The following GNAQ variants were observed in gnomAD, a reference collection of about 807,000 sequenced individuals.
The protein encoded by GNAQ is guanine nucleotide-binding protein G(q) subunit alpha.
A neutral mutation model predicts 43.9 loss-of-function variants in GNAQ; 8 were observed. The observed-to-expected ratio is 0.18, with a 90% CI of 0.11 to 0.33. GNAQ has a LOEUF of 0.33. GNAQ is among the 10% of genes least tolerant of loss of function. The pLI is 1.00. For missense variants in GNAQ, 158 were observed against 450.8 expected (o/e 0.35, Z 5.88); for synonymous variants, 155 against 170.7 (o/e 0.91, Z 0.71).
At chr9:78,010,783 A>G (rs1823764452) in intron 1 of GNAQ, among the ~76,000 whole-genome samples, 1 of 152,136 alleles carries the variant, frequency 6.6e-6, no homozygotes, top group East Asian at 1.9e-4. Flanking sequence ...CTGAGTCTAC[A>G]CACAGCTCTT....
At chr9:77,755,577 T>C (rs1036018748) in intron 5 of GNAQ, among the ~76,000 whole-genome samples, 7 of 152,222 alleles carry the variant, frequency 4.6e-5, no homozygotes, top group African/African-American at 1.7e-4. Flanking sequence ...TGTTTGTGCA[T>C]GTATACACCT....
chr9:77,830,201 T>A (rs11145579), intron 2 of GNAQ, among the ~76,000 whole-genome samples: 1 of 151,944 alleles, frequency 6.6e-6, no homozygotes, highest in Non-Finnish European at 1.5e-5. Context: ...CATCCTTCTA[T>A]CTTGGTCTCT....
At chr9:77,731,304 C>T (rs1379168601) in intron 5 of GNAQ, among the ~76,000 whole-genome samples, 1 of 152,180 alleles carries the variant, frequency 6.6e-6, no homozygotes, top group East Asian at 1.9e-4. Context: ...AATTTCCAGA[C>T]TGGACTGGAG....
At position 77,784,357 on chromosome 9, in the gene GNAQ, C is replaced by T. The variant is rs992876636; in HGVS notation, c.735+10106G>A. On this transcript the variant is annotated intron_variant, in intron 5 of 6. Coordinates refer to ENST00000286548, the MANE Select transcript of GNAQ (RefSeq NM_002072.5). ...AAGTTTAATATATTTCAATTTTCCC[C>T]AGAATTCCCAAATTACATAAACGGG... Among the ~76,000 whole-genome samples, 9 of 151,962 alleles carry T rather than the reference C, an allele frequency of 5.9e-5. No homozygotes were observed. The South Asian group carries it at 1.9e-3, about 32-fold the overall frequency.
intron 5 of GNAQ, among the ~76,000 whole-genome samples, chr9:77,732,717 G>T (rs1357782475): frequency 1.3e-5 from 2 of 152,164 alleles, no homozygotes; most frequent in African/African-American, 4.8e-5. Context: ...TTGTTAACAG[G>T]TTGGGCCTAG....
At chr9:77,788,972 C>T (rs1382520357) in intron 5 of GNAQ, among the ~76,000 whole-genome samples, 6 of 152,196 alleles carry the variant, frequency 3.9e-5, no homozygotes, top group Non-Finnish European at 8.8e-5. Flanking sequence ...CCTGAAGAAG[C>T]TAATTTGAGT....
intron 3 of GNAQ, among the ~76,000 whole-genome samples, chr9:77,809,180 T>C (rs1361546730): frequency 2.6e-5 from 4 of 152,194 alleles, no homozygotes; most frequent in African/African-American, 9.7e-5. Flanking sequence ...AAAAAGCCAA[T>C]CTACTCATGT....
At position 77,762,572 on chromosome 9, in the gene GNAQ, C is replaced by T. The variant is rs904949320; in HGVS notation, c.735+31891G>A. 3.2e-4 allele frequency among the ~76,000 whole-genome samples: 48 copies of T among 148,358 alleles called. No homozygotes were observed. In the East Asian group the frequency reaches 7.6e-3, roughly 24 times the overall value. ...CTGGGAAGTGAGGAGCCCCTCTGCC[C>T]GGCCACCACCCCATCTGGGAGGTGT... is the stretch of plus-strand genomic sequence containing the variant. On this transcript the variant is annotated intron_variant, in intron 5 of 6. Transcript: ENST00000286548.
rs115049166 is a variant in GNAQ, at chr9:77,918,914, G to A, written c.321+3247C>T. Reference sequence around the variant, plus strand: ...AGACGAGGAGACTCTCAATTGTTAAGCTCACAAATAATTTTTTTTGTTTGA... The same window carrying A: ...AGACGAGGAGACTCTCAATTGTTAAACTCACAAATAATTTTTTTTGTTTGA... On this transcript the variant is annotated intron_variant, in intron 2 of 6. Coordinates refer to ENST00000286548, the MANE Select transcript of GNAQ (RefSeq NM_002072.5). 7.9e-3 allele frequency among the ~76,000 whole-genome samples: 1,200 copies of A among 152,192 alleles called. 11 individuals are homozygous for A. Among genetic ancestry groups the A allele is most frequent in the African/African-American group, 0.027 (1,138 of 41,528 alleles).
In GNAQ at chr9:77,986,108, T is replaced by C. The variant is rs138648862; in HGVS notation, c.136+44992A>G. Among the ~76,000 whole-genome samples the C allele has an allele frequency of 7.0e-3, 1,061 of 152,276 alleles. 18 individuals carry two copies. Among genetic ancestry groups the C allele is most frequent in the African/African-American group, 0.024 (985 of 41,528 alleles). On this transcript the variant is annotated intron_variant, in intron 1 of 6. Coordinates refer to ENST00000286548, the MANE Select transcript of GNAQ (RefSeq NM_002072.5). ...GCCATAGTTTAAAGTCCCACATCAA[T>C]ATTTGTTTATTCTCCAGCCATGCAG...
At chr9:77,842,231 G>A (rs1036595866) in intron 2 of GNAQ, among the ~76,000 whole-genome samples, 1 of 152,188 alleles carries the variant, frequency 6.6e-6, no homozygotes, top group Admixed American at 6.5e-5. Context: ...AAGGATGAGA[G>A]TAACTACTGC....
At chr9:77,935,191 T>G (rs185830037) in intron 1 of GNAQ, among the ~76,000 whole-genome samples, 1 of 152,230 alleles carries the variant, frequency 6.6e-6, no homozygotes, top group South Asian at 2.1e-4. Flanking sequence ...AAGAGCATGA[T>G]TAGAACACAC....
chr9:77,994,090 C>T (rs1823540680), intron 1 of GNAQ, among the ~76,000 whole-genome samples: 1 of 152,168 alleles, frequency 6.6e-6, no homozygotes, highest in Non-Finnish European at 1.5e-5. Context: ...GATCATAGCT[C>T]ACTGCAGCTT....
At chr9:77,899,451 A>C (rs536436362) in intron 2 of GNAQ, among the ~76,000 whole-genome samples, 5 of 151,544 alleles carry the variant, frequency 3.3e-5, no homozygotes. Flanking sequence ...GTGTGTGTGT[A>C]CTCTGCTTTT....
intron 5 of GNAQ, among the ~76,000 whole-genome samples, chr9:77,789,694 C>T (rs1364870574): frequency 2.0e-5 from 3 of 151,944 alleles, no homozygotes; most frequent in Admixed American, 2.0e-4. Context: ...ATACACTATT[C>T]CACAATCGGC....
At chr9:77,742,582 G>GA (rs796763365) in intron 5 of GNAQ, among the ~76,000 whole-genome samples, 143 of 141,696 alleles carry the variant, frequency 1.0e-3, no homozygotes, top group African/African-American at 2.0e-3. Context: ...AGACAAAAAA[G>GA]AAAAAAAAAA....
At chr9:77,868,136 C>T (rs1170191283) in intron 2 of GNAQ, among the ~76,000 whole-genome samples, 1 of 152,164 alleles carries the variant, frequency 6.6e-6, no homozygotes, top group African/African-American at 2.4e-5. Context: ...GTGCATATCA[C>T]AGCATATAGC....
At chr9:78,024,651 A>G (rs993001289) in intron 1 of GNAQ, among the ~76,000 whole-genome samples, 1 of 152,220 alleles carries the variant, frequency 6.6e-6, no homozygotes, top group Non-Finnish European at 1.5e-5. Context: ...TAAAGTCAGA[A>G]GGGCATGTCA....
intron 1 of GNAQ, among the ~76,000 whole-genome samples, chr9:77,927,075 T>C (rs1266768391): frequency 6.6e-6 from 1 of 152,128 alleles, no homozygotes; most frequent in African/African-American, 2.4e-5. Flanking sequence ...ACACACACTC[T>C]CACACAATCT....
Sources: allele counts gnomAD v4.1 joint callset (sites outside exome capture counted in the v4.1 genomes callset), GRCh38; gene constraint gnomAD v4.1.1; transcripts MANE v1.5; gene names NCBI Gene and HGNC (gene_info 2026-07-23, HGNC 2026-07-21).